The following ADGRL2 variants were observed in gnomAD, a reference collection of about 807,000 sequenced individuals.
ADGRL2 encodes calcium-independent alpha-latrotoxin receptor 2.
Under a neutral mutation model 157.4 loss-of-function variants are expected in ADGRL2, and 44 were observed. The observed-to-expected ratio is 0.28, with a 90% CI of 0.22 to 0.36. The LOEUF is 0.36. Among genes scored for constraint, ADGRL2 ranks in the 10% least tolerant of loss-of-function variants. ADGRL2 has a pLI of 1.00. For missense variants in ADGRL2, 1,510 were observed against 1,768.9 expected (o/e 0.85, Z 2.63); for synonymous variants, 585 against 624.7 (o/e 0.94, Z 0.95).
chr1:81,984,299 A>G, intron 19 of ADGRL2: 1 of 206,762 alleles, frequency 4.8e-6, no homozygotes, highest in Non-Finnish European at 9.5e-6. Context: ...TATTGCTATT[A>G]TTTAATAACT....
At chr1:81,774,483 A>G (rs72715801) in intron 2 of ADGRL2, among the ~76,000 whole-genome samples, 23,918 of 152,074 alleles carry the variant, frequency 0.16, 2,044 homozygotes, top group Admixed American at 0.19. Context: ...GGCATTTTTT[A>G]AGTTACAGAT....
upstream of ADGRL2, among the ~76,000 whole-genome samples, chr1:81,799,093 T>A (rs2149446798): frequency 6.6e-6 from 1 of 152,318 alleles, no homozygotes; most frequent in Middle Eastern, 3.4e-3. Context: ...AATTAGATAA[T>A]TCTGCCTTCT....
chr1:81,921,019 T>C (rs2094965660), intron 3 of ADGRL2, among the ~76,000 whole-genome samples: 1 of 152,158 alleles, frequency 6.6e-6, no homozygotes, highest in South Asian at 2.1e-4. Context: ...AAAAAGAAAG[T>C]GCTTCTGATT....
In ADGRL2 at chr1:81,969,209, C is replaced by T. The variant is rs968816039; in HGVS notation, c.2555C>T (p.Thr852Ile). Residue 852 changes from threonine to isoleucine, a missense_variant, in exon 15 of 24, where the codon ACA (threonine) becomes ATA (isoleucine). Physicochemically the swap from Thr to Ile is moderately conservative, Grantham distance 89 (BLOSUM62 -1). Transcript: ENST00000686636. ...YKDGVHELLL[T>I]VITWVGIVIS... ...GATGGCGTTCATGAATTACTTCTTACAGTCATCACCTGGGTGGGAATTGTC... is the reference window on the plus strand; with the variant it reads ...GATGGCGTTCATGAATTACTTCTTATAGTCATCACCTGGGTGGGAATTGTC... 5.0e-6 allele frequency: 8 copies of T among 1,613,686 alleles called. No homozygotes were observed. In the African/African-American group the frequency reaches 9.3e-5, roughly 19 times the overall value.
chr1:81,722,422 G>C (rs966913279), intron 1 of ADGRL2: 1 of 1,021,410 alleles, frequency 9.8e-7, no homozygotes, highest in African/African-American at 1.6e-5. Flanking sequence ...ATGCCATTAA[G>C]CTGAATTTGC....
chr1:81,629,813 A>C (rs925700695), intron 3 of ADGRL2, among the ~76,000 whole-genome samples: 10 of 150,344 alleles, frequency 6.7e-5, no homozygotes, highest in African/African-American at 2.2e-4. Context: ...CTGGTCTTGA[A>C]CTCCTGGCCT....
At chr1:81,544,263 A>G (rs531024597) in intron 2 of ADGRL2, among the ~76,000 whole-genome samples, 10 of 152,336 alleles carry the variant, frequency 6.6e-5, no homozygotes, top group African/African-American at 2.4e-4. Flanking sequence ...TCTAATTTCT[A>G]GAACAGTGTC....
At chr1:81,667,831 C>G (rs151011425) in intron 3 of ADGRL2, among the ~76,000 whole-genome samples, 3 of 151,984 alleles carry the variant, frequency 2.0e-5, no homozygotes, top group South Asian at 2.1e-4. Context: ...AAGACATCTA[C>G]TTTTAAAATA....
chr1:81,454,176 T>C (rs962382007), intron 2 of ADGRL2, among the ~76,000 whole-genome samples: 1 of 152,202 alleles, frequency 6.6e-6, no homozygotes, highest in African/African-American at 2.4e-5. Flanking sequence ...TCTTTTTTTT[T>C]TTTCTTTTTC....
chr1:81,643,413 A>G (rs1174302374), intron 3 of ADGRL2, among the ~76,000 whole-genome samples: 1 of 152,146 alleles, frequency 6.6e-6, no homozygotes, highest in Admixed American at 6.5e-5. Context: ...CCTGGGCTCA[A>G]GCAATTCTTC....
chr1:81,553,988 G>A (rs1260378193), intron 2 of ADGRL2, among the ~76,000 whole-genome samples: 1 of 152,122 alleles, frequency 6.6e-6, no homozygotes, highest in African/African-American at 2.4e-5. Context: ...CCCTGTAGAT[G>A]ATATCCACAC....
At chr1:81,473,958 G>C (rs975248353) in intron 2 of ADGRL2, among the ~76,000 whole-genome samples, 1 of 152,206 alleles carries the variant, frequency 6.6e-6, no homozygotes, top group Admixed American at 6.5e-5. Context: ...AGAGCTCTTA[G>C]AATCACTTGG....
At chr1:81,527,075 A>G (rs989008437) in intron 2 of ADGRL2, among the ~76,000 whole-genome samples, 9 of 152,260 alleles carry the variant, frequency 5.9e-5, no homozygotes, top group Admixed American at 2.0e-4. Context: ...TATAAAATCT[A>G]TACATGAAAA....
intron 2 of ADGRL2, among the ~76,000 whole-genome samples, chr1:81,461,876 TTC>T (rs1557706117): frequency 7.6e-6 from 1 of 132,394 alleles, no homozygotes; most frequent in African/African-American, 2.8e-5. Context: ...GCAAGAATTC[TTC>T]TAAACAGAAA....
intron 3 of ADGRL2, among the ~76,000 whole-genome samples, chr1:81,659,606 T>A (rs968989599): frequency 6.6e-6 from 1 of 152,074 alleles, no homozygotes; most frequent in Admixed American, 6.5e-5. Flanking sequence ...GACCGCAGGA[T>A]GTGTAACATT....
intron 1 of ADGRL2, among the ~76,000 whole-genome samples, chr1:81,347,387 A>G (rs1391048459): frequency 6.6e-6 from 1 of 152,024 alleles, no homozygotes; most frequent in Non-Finnish European, 1.5e-5. Flanking sequence ...GATGACAGAG[A>G]GAGACTGTTT....
At chr1:81,616,232 T>A (rs1218185035) in intron 3 of ADGRL2, among the ~76,000 whole-genome samples, 1 of 152,192 alleles carries the variant, frequency 6.6e-6, no homozygotes, top group Admixed American at 6.5e-5. Context: ...CAGAAACTTT[T>A]GAAACAGAAT....
intron 1 of ADGRL2, among the ~76,000 whole-genome samples, chr1:81,389,071 C>A (rs751246165): frequency 9.2e-5 from 14 of 152,126 alleles, no homozygotes; most frequent in Non-Finnish European, 1.9e-4. Context: ...CTCTGGATCC[C>A]CACCTTTTCA....
intron 1 of ADGRL2, among the ~76,000 whole-genome samples, chr1:81,744,424 C>T (rs2085175929): frequency 6.6e-6 from 1 of 152,158 alleles, no homozygotes; most frequent in African/African-American, 2.4e-5. Flanking sequence ...TTCTTTCAAA[C>T]ACAGTTTGTG....
Sources: gnomAD v4.1 joint callset for allele counts (sites outside exome capture counted in the v4.1 genomes callset) on GRCh38, gnomAD v4.1.1 for gene constraint, MANE v1.5 for transcripts, NCBI Gene and HGNC (gene_info 2026-07-23, HGNC 2026-07-21) for gene names.